Variants in TTC19 observed in about 807,000 individuals in gnomAD.
TTC19 encodes tetratricopeptide repeat domain 19.
TTC19 carries 38 observed loss-of-function variants against 49.5 expected under a neutral mutation model. The ratio of observed to expected loss-of-function variants is 0.77; its 90% CI spans 0.59 to 1.01. The LOEUF (loss-of-function observed/expected upper bound fraction) is 1.01. Ranked by LOEUF, TTC19 falls within the 50% of genes least tolerant of loss-of-function variation. TTC19 has a pLI of 0.00. For missense variants in TTC19, 475 were observed against 477.7 expected (o/e 0.99, Z 0.05); for synonymous variants, 204 against 185.2 (o/e 1.10, Z -0.83).
At chr17:16,026,052 C>A (rs970653410) in intron 8 of TTC19, among the ~76,000 whole-genome samples, 1 of 152,048 alleles carries the variant, frequency 6.6e-6, no homozygotes, top group African/African-American at 2.4e-5. Context: ...AATTCCATTT[C>A]AGTAGCCAAA....
intron 6 of TTC19, 115 bp downstream of exon 6, chr17:16,004,377 T>G (rs746801733): frequency 2.7e-5 from 26 of 969,652 alleles, no homozygotes; most frequent in Non-Finnish European, 4.2e-5. Context: ...GGTGTCACAC[T>G]CAAAGTGTTC....
At position 16,006,424 on chromosome 17, in the gene TTC19, A is replaced by C. The variant is rs774480842; in HGVS notation, c.582-50A>C. The C allele has an allele frequency of 8.0e-6, 11 of 1,371,218 alleles. No individual in the cohort carries two copies. In the Admixed American group the frequency reaches 1.0e-4, roughly 13 times the overall value. The allele number at this position is 1,371,218 out of a possible 1,614,324, so 84.9% of individuals were successfully genotyped here. ...AAACTCCATCTCAACAGAAGGAAGAAAAAAAAAAGAAGAAAAGGTAAATGG... is the reference window on the plus strand; with the variant it reads ...AAACTCCATCTCAACAGAAGGAAGACAAAAAAAAGAAGAAAAGGTAAATGG... On this transcript the variant is annotated intron_variant, in intron 6 of 9. Transcript: ENST00000261647.
downstream of TTC19, among the ~76,000 whole-genome samples, chr17:16,032,720 G>T (rs978742605): frequency 6.6e-6 from 1 of 152,244 alleles, no homozygotes; most frequent in Non-Finnish European, 1.5e-5. Context: ...ATATGAGTGA[G>T]GGCTGCTGAG....
At chr17:16,039,604 C>G in intron 2 of TTC19, 2 of 1,614,080 alleles carry the variant, frequency 1.2e-6, no homozygotes, top group Non-Finnish European at 1.7e-6. Context: ...TCTTCCAGCC[C>G]AAGATTACTG....
chr17:16,011,452 C>T (rs185802542), intron 7 of TTC19, among the ~76,000 whole-genome samples: 10 of 152,206 alleles, frequency 6.6e-5, no homozygotes, highest in Admixed American at 2.0e-4. Flanking sequence ...GGATTACAGG[C>T]GTGAGCCACC....
At position 16,025,287 on chromosome 17, in the gene TTC19, TC is replaced by T. The variant is rs1971516868; in HGVS notation, c.831+120del. 3.8e-6 allele frequency: 4 copies of T among 1,039,808 alleles called. No homozygotes were observed. The Admixed American group carries it at 6.3e-5, about 16-fold the overall frequency. The allele number at this position is 1,039,808 out of a possible 1,614,324, so 64.4% of individuals were successfully genotyped here. On this transcript the variant is annotated intron_variant, in intron 8 of 9. Coordinates refer to ENST00000261647, the MANE Select transcript of TTC19 (RefSeq NM_017775.4). ...GCAGATGGTCCTAGATCCTCCTTGG[TC>T]CCCAGTCTACTCATTTTCTTATCAC...
Position 16,004,237 on chromosome 17 carries a change from G to A in TTC19, c.556G>A (p.Ala186Thr), listed in dbSNP as rs143461619. 1.2e-6 allele frequency: 2 copies of A among 1,614,168 alleles called. No homozygotes were observed. The highest frequency in any genetic ancestry group is 1.1e-5 in the South Asian group (1 of 91,084). The change falls in exon 6 of 10, where the codon GCC becomes ACC. Residue 186 changes from alanine (A) to threonine (T), a missense_variant. Coordinates refer to ENST00000261647, the MANE Select transcript of TTC19 (RefSeq NM_017775.4). Reference protein sequence around the residue: ...NAIIEISLKLASIYAAQNRQE... With the variant: ...NAIIEISLKLTSIYAAQNRQE... ...AATAATTGAAATTTCCCTAAAGCTG[G>A]CCAGTATCTATGCTGCGCAGAACAG... is the stretch of plus-strand genomic sequence containing the variant.
chr17:16,036,830 C>T (rs146426498), intron 2 of TTC19, among the ~76,000 whole-genome samples: 3 of 152,258 alleles, frequency 2.0e-5, no homozygotes, highest in African/African-American at 7.2e-5. Flanking sequence ...CTGTGTGTCA[C>T]GAAACACTGT....
At chr17:16,012,574 T>G (rs1971106000) in intron 7 of TTC19, among the ~76,000 whole-genome samples, 1 of 152,088 alleles carries the variant, frequency 6.6e-6, no homozygotes, top group South Asian at 2.1e-4. Flanking sequence ...CTATTCTCCT[T>G]AATCTTGTCA....
intron 8 of TTC19, 101 bp downstream of exon 8, chr17:16,025,272 C>A: frequency 8.3e-7 from 1 of 1,200,120 alleles, no homozygotes; most frequent in Non-Finnish European, 1.2e-6. Context: ...GCAGATGGTC[C>A]TAGATCCTCC....
At chr17:16,025,455 A>G (rs1426438049) in intron 8 of TTC19, among the ~76,000 whole-genome samples, 4 of 152,222 alleles carry the variant, frequency 2.6e-5, no homozygotes, top group South Asian at 4.1e-4. Context: ...TCAGGCTTCA[A>G]TGGACACAGC....
chr17:16,036,848 T>C lies in TTC19; in HGVS notation c.248-7655T>C, dbSNP rs76318995. ...TGTGTCACGAAACACTGTTTTGCTTTATTACCATTTGTGTGTTCACTGGAA... is the reference window on the plus strand; with the variant it reads ...TGTGTCACGAAACACTGTTTTGCTTCATTACCATTTGTGTGTTCACTGGAA... On this transcript the variant is annotated intron_variant, in intron 2 of 2. Transcript: ENST00000470649. Among the ~76,000 whole-genome samples the C allele has an allele frequency of 6.7e-3, 1,022 of 152,352 alleles. 14 individuals carry two copies. Among genetic ancestry groups the C allele is most frequent in the African/African-American group, 0.024 (987 of 41,586 alleles).
At chr17:16,021,390 A>G (rs1567585203) in intron 7 of TTC19, among the ~76,000 whole-genome samples, 1 of 152,176 alleles carries the variant, frequency 6.6e-6, no homozygotes, top group Non-Finnish European at 1.5e-5. Context: ...TTCGTCTCAA[A>G]AAAGAAAAAA....
At chr17:16,011,046 A>G (rs1329309215) in intron 7 of TTC19, among the ~76,000 whole-genome samples, 1 of 152,160 alleles carries the variant, frequency 6.6e-6, no homozygotes, top group Non-Finnish European at 1.5e-5. Flanking sequence ...TTTGTTATGT[A>G]TATGCCAGAT....
intron 7 of TTC19, among the ~76,000 whole-genome samples, chr17:16,012,585 C>T (rs968469761): frequency 4.6e-5 from 7 of 152,050 alleles, no homozygotes; most frequent in Non-Finnish European, 5.9e-5. Context: ...AATCTTGTCA[C>T]TATCATTCAA....
chr17:16,026,225 T>C (rs1971553001), intron 8 of TTC19, among the ~76,000 whole-genome samples: 1 of 152,186 alleles, frequency 6.6e-6, no homozygotes, highest in Admixed American at 6.5e-5. Flanking sequence ...TTAAAGGAGA[T>C]AATATGTGTA....
At chr17:16,039,755 C>T in intron 2 of TTC19, 2 of 1,051,340 alleles carry the variant, frequency 1.9e-6, no homozygotes, top group Non-Finnish European at 2.8e-6. Context: ...CAGCACTTGG[C>T]AAGTGACCTA....
At chr17:16,001,878 A>G in intron 2 of TTC19, 37 bp from the exon 3 acceptor site, 1 of 1,428,322 alleles carries the variant, frequency 7.0e-7, no homozygotes, top group Non-Finnish European at 9.9e-7. Flanking sequence ...CATCTACTAT[A>G]TGTTTCATTT....
intron 6 of TTC19, among the ~76,000 whole-genome samples, chr17:16,004,844 C>T (rs1970850048): frequency 6.6e-6 from 1 of 152,208 alleles, no homozygotes; most frequent in African/African-American, 2.4e-5. Context: ...GCACTGTTCC[C>T]TACTGTCCTA....
Sources: gnomAD v4.1 joint callset for allele counts (sites outside exome capture counted in the v4.1 genomes callset) on GRCh38, gnomAD v4.1.1 for gene constraint, MANE v1.5 for transcripts, NCBI Gene and HGNC (gene_info 2026-07-23, HGNC 2026-07-21) for gene names.